The following PRR16 variants were observed in gnomAD, a reference collection of about 807,000 sequenced individuals.
The protein encoded by PRR16 is proline rich 16.
In PRR16, 6 loss-of-function variants were observed where a neutral mutation model predicts 18.2. The observed-to-expected ratio is 0.33, with a 90% CI of 0.18 to 0.65. The LOEUF is 0.65. Ranked by LOEUF, PRR16 falls within the 30% of genes least tolerant of loss-of-function variation. PRR16 has a pLI of 0.74. For synonymous variants in PRR16, 151 were observed against 147.8 expected (o/e 1.02, Z -0.16); for missense variants, 412 against 376.6 (o/e 1.09, Z -0.78).
the PRR16 span, among the ~76,000 whole-genome samples, chr5:120,727,673 A>G: frequency 6.6e-6 from 1 of 152,108 alleles, no homozygotes; most frequent in Admixed American, 6.6e-5. Flanking sequence ...GAAACTCTTT[A>G]TTGTTGCCTG....
intron 1 of PRR16, among the ~76,000 whole-genome samples, chr5:120,622,618 A>G (rs971060461): frequency 6.6e-6 from 1 of 152,096 alleles, no homozygotes; most frequent in Non-Finnish European, 1.5e-5. Flanking sequence ...AGCTGGGACT[A>G]CAGGCATGCG....
At position 120,686,109 on chromosome 5, in the gene PRR16, A is replaced by T; in HGVS notation, c.315A>T (p.Lys105Asn). ...IKVQANAPLI[K>N]PPAHPSAILT... ...TGCAGGCTAATGCACCGCTTATTAA[A>T]CCCCCAGCACACCCGTCTGCTATCC... The change falls in exon 2 of 2, where the codon AAA becomes AAT. Residue 105 changes from lysine to asparagine, a missense_variant. Lys to Asn is a moderately conservative substitution (Grantham distance 94). Coordinates refer to ENST00000407149, the MANE Select transcript of PRR16 (RefSeq NM_001300783.2). 6.2e-7 allele frequency: 1 copy of T among 1,613,848 alleles called. No homozygotes were observed. Among genetic ancestry groups the T allele is most frequent in the Non-Finnish European group, 8.5e-7 (1 of 1,179,960 alleles).
At chr5:120,624,549 T>C (rs1580800579) in intron 1 of PRR16, among the ~76,000 whole-genome samples, 1 of 152,182 alleles carries the variant, frequency 6.6e-6, no homozygotes, top group Admixed American at 6.6e-5. Context: ...GCTCTGCCCT[T>C]ACTAGCTGTG....
At chr5:120,604,479 G>A (rs1487364711) in intron 1 of PRR16, among the ~76,000 whole-genome samples, 1 of 152,128 alleles carries the variant, frequency 6.6e-6, no homozygotes, top group Non-Finnish European at 1.5e-5. Flanking sequence ...ACAGCATACA[G>A]TTGGTCTTGC....
the PRR16 span, among the ~76,000 whole-genome samples, chr5:120,705,525 GAT>G: frequency 6.6e-6 from 1 of 151,958 alleles, no homozygotes; most frequent in African/African-American, 2.4e-5. Flanking sequence ...ATATCCAAAT[GAT>G]ATTTTCTGTT....
At chr5:120,635,327 C>T (rs1755191811) in intron 1 of PRR16, among the ~76,000 whole-genome samples, 1 of 152,002 alleles carries the variant, frequency 6.6e-6, no homozygotes. Flanking sequence ...GGAAGGAAAA[C>T]TACTGACTAA....
chr5:120,596,253 C>G (rs1328592924), intron 1 of PRR16, among the ~76,000 whole-genome samples: 1 of 150,810 alleles, frequency 6.6e-6, no homozygotes, highest in South Asian at 2.1e-4. Context: ...AAGTCTTTTT[C>G]TTTTCCTACA....
At chr5:120,522,273 T>A (rs535790955) in intron 1 of PRR16, among the ~76,000 whole-genome samples, 1 of 152,286 alleles carries the variant, frequency 6.6e-6, no homozygotes, top group East Asian at 1.9e-4. Flanking sequence ...GTTGAACTAG[T>A]TTACAGTCCC....
intron 1 of PRR16, among the ~76,000 whole-genome samples, chr5:120,548,495 G>A (rs1752146254): frequency 6.6e-6 from 1 of 151,998 alleles, no homozygotes; most frequent in African/African-American, 2.4e-5. Context: ...TTTCACTTTA[G>A]TTGAATCAGG....
At chr5:120,729,618 ATTTTG>A in the PRR16 span, among the ~76,000 whole-genome samples, 1 of 152,100 alleles carries the variant, frequency 6.6e-6, no homozygotes, top group Non-Finnish European at 1.5e-5. Flanking sequence ...AATTTTATTT[ATTTTG>A]TTTACGCATG....
At chr5:120,754,387 TTA>T in the PRR16 span, among the ~76,000 whole-genome samples, 2 of 73,944 alleles carry the variant, frequency 2.7e-5, no homozygotes, top group Admixed American at 2.4e-4. Flanking sequence ...AACATATATA[TTA>T]TATGTTATAT....
chr5:120,535,909 C>T (rs1052395504), intron 1 of PRR16, among the ~76,000 whole-genome samples: 2 of 151,954 alleles, frequency 1.3e-5, no homozygotes, highest in African/African-American at 4.8e-5. Context: ...TCAAGACCAG[C>T]CTGGGCAATA....
At chr5:120,584,361 C>A (rs1753370189) in intron 1 of PRR16, among the ~76,000 whole-genome samples, 1 of 152,070 alleles carries the variant, frequency 6.6e-6, no homozygotes, top group Non-Finnish European at 1.5e-5. Context: ...TGGAAAGAAT[C>A]TTAGAGGGCA....
intron 1 of PRR16, among the ~76,000 whole-genome samples, chr5:120,662,002 C>T (rs1335457844): frequency 6.6e-6 from 1 of 151,982 alleles, no homozygotes; most frequent in Admixed American, 6.6e-5. Flanking sequence ...TATGAGGTTC[C>T]TCATGGTATA....
At chr5:120,663,957 C>G (rs1411028366) in intron 1 of PRR16, among the ~76,000 whole-genome samples, 1 of 151,764 alleles carries the variant, frequency 6.6e-6, no homozygotes, top group African/African-American at 2.4e-5. Flanking sequence ...CTTAAAAAAT[C>G]AACTATATTC....
At chr5:120,709,028 G>C in the PRR16 span, among the ~76,000 whole-genome samples, 4 of 92,040 alleles carry the variant, frequency 4.3e-5, no homozygotes, top group African/African-American at 1.9e-4. Flanking sequence ...TTTTTTTTGA[G>C]ACAGAGTCTT....
At chr5:120,572,104 G>A (rs1056201652) in intron 1 of PRR16, among the ~76,000 whole-genome samples, 1 of 152,098 alleles carries the variant, frequency 6.6e-6, no homozygotes, top group Admixed American at 6.6e-5. Context: ...CTAGAAACTG[G>A]CATATTCTTT....
chr5:120,735,409 C>T, the PRR16 span, among the ~76,000 whole-genome samples: 1 of 152,092 alleles, frequency 6.6e-6, no homozygotes, highest in East Asian at 1.9e-4. Flanking sequence ...TCAACAGTGG[C>T]TGCATTATTT....
chr5:120,774,686 A>C, the PRR16 span, among the ~76,000 whole-genome samples: 3 of 151,084 alleles, frequency 2.0e-5, no homozygotes, highest in East Asian at 5.8e-4. Flanking sequence ...GATACCTCTA[A>C]ATCTATATGT....
Sources: allele counts gnomAD v4.1 joint callset (sites outside exome capture counted in the v4.1 genomes callset), GRCh38; gene constraint gnomAD v4.1.1; transcripts MANE v1.5; gene names NCBI Gene and HGNC (gene_info 2026-07-23, HGNC 2026-07-21).